Variants in ENTHD1 observed in about 807,000 individuals in gnomAD.
ENTHD1 encodes ENTH domain-containing protein 1.
A neutral mutation model predicts 39.1 loss-of-function variants in ENTHD1; 23 were observed. The ratio of observed to expected loss-of-function variants is 0.59; its 90% CI spans 0.42 to 0.83. ENTHD1 has a LOEUF of 0.83. Ranked by LOEUF, ENTHD1 falls within the 40% of genes least tolerant of loss-of-function variation. The pLI is 0.00. For synonymous variants in ENTHD1, 230 were observed against 258.2 expected, an observed-to-expected ratio of 0.89 and a Z score of 1.05; for missense variants, 624 against 705.4, an observed-to-expected ratio of 0.88 and a Z score of 1.31.
chr22:39,838,754 C>A (rs927425037), intron 3 of ENTHD1, among the ~76,000 whole-genome samples: 1 of 151,898 alleles, frequency 6.6e-6, no homozygotes, highest in Non-Finnish European at 1.5e-5. Context: ...AATATTAAAA[C>A]CTTTGGTCAG....
At chr22:39,816,460 TGTTATA>T (rs1349298538) in intron 5 of ENTHD1, among the ~76,000 whole-genome samples, 1 of 152,214 alleles carries the variant, frequency 6.6e-6, no homozygotes, top group African/African-American at 2.4e-5. Flanking sequence ...TATGGTACGC[TGTTATA>T]GTTGTTGCAA....
At chr22:39,891,865 C>T (rs1275621780) in intron 1 of ENTHD1, among the ~76,000 whole-genome samples, 1 of 152,074 alleles carries the variant, frequency 6.6e-6, no homozygotes, top group East Asian at 1.9e-4. Flanking sequence ...AGTGATCCGC[C>T]TGCCTCGGCC....
intron 2 of ENTHD1, among the ~76,000 whole-genome samples, chr22:39,872,850 C>CT (rs35796089): frequency 0.016 from 2,203 of 140,024 alleles, 15 homozygotes; most frequent in South Asian, 0.05. Flanking sequence ...AGTAAAATCA[C>CT]TTTTTTTTTT....
At position 39,783,823 on chromosome 22, in the gene ENTHD1, A is replaced by G. The variant is rs74567206; in HGVS notation, c.833-18214T>C. Among the ~76,000 whole-genome samples, 1,089 of 152,322 alleles carry G rather than the reference A, an allele frequency of 7.1e-3. 9 individuals are homozygous for G. The highest frequency in any genetic ancestry group is 0.025 in the African/African-American group (1,032 of 41,578). ...GAAGAAAACATTGGGGAAACACTCT[A>G]GGACATGGGCCTGGGCAAAGATTTT... is the stretch of plus-strand genomic sequence containing the variant. On this transcript the variant is annotated intron_variant, in intron 5 of 6. Coordinates refer to ENST00000325157, the MANE Select transcript of ENTHD1 (RefSeq NM_152512.4).
Position 39,873,743 on chromosome 22 carries a change from G to C in ENTHD1, c.350-11736C>G, listed in dbSNP as rs574087513. On this transcript the variant is annotated intron_variant, in intron 2 of 6. Coordinates refer to ENST00000325157, the MANE Select transcript of ENTHD1 (RefSeq NM_152512.4). Reference sequence around the variant, plus strand: ...AAGCAATTGGATACCATACAGATAAGAATGAACTCTATCTCACAATATACA... The same window carrying C: ...AAGCAATTGGATACCATACAGATAACAATGAACTCTATCTCACAATATACA... Among the ~76,000 whole-genome samples, 4 of 152,276 alleles carry C rather than the reference G, an allele frequency of 2.6e-5. No individual in the cohort carries two copies. The South Asian group carries it at 8.3e-4, about 32-fold the overall frequency.
At chr22:39,838,000 A>G (rs62228554) in intron 3 of ENTHD1, among the ~76,000 whole-genome samples, 12,228 of 152,304 alleles carry the variant, frequency 0.08, 725 homozygotes, top group Non-Finnish European at 0.13. Context: ...CCTAGATTAT[A>G]TGGTAAATAT....
intron 5 of ENTHD1, among the ~76,000 whole-genome samples, chr22:39,806,473 A>G (rs571917453): frequency 1.3e-5 from 2 of 152,336 alleles, no homozygotes; most frequent in South Asian, 2.1e-4. Context: ...AGACACTTCT[A>G]AAGTATATGC....
chr22:39,748,169 A>G (rs1237071484), intron 6 of ENTHD1, among the ~76,000 whole-genome samples: 3 of 150,878 alleles, frequency 2.0e-5, no homozygotes, highest in Non-Finnish European at 4.4e-5. Flanking sequence ...GGACCACCTG[A>G]GCCTGGGAGT....
At chr22:39,882,978 T>A (rs1214004296) in intron 2 of ENTHD1, among the ~76,000 whole-genome samples, 1 of 125,302 alleles carries the variant, frequency 8.0e-6, no homozygotes, top group Non-Finnish European at 1.6e-5. Context: ...CACTCCAGCC[T>A]GGGTGACAGA....
At chr22:39,886,768 C>T (rs574377389) in intron 2 of ENTHD1, among the ~76,000 whole-genome samples, 3 of 152,304 alleles carry the variant, frequency 2.0e-5, no homozygotes, top group East Asian at 1.9e-4. Flanking sequence ...ACTGCACCTC[C>T]TCTTCCGCCC....
chr22:39,769,502 T>C (rs1043328899), intron 5 of ENTHD1, among the ~76,000 whole-genome samples: 3 of 152,130 alleles, frequency 2.0e-5, no homozygotes, highest in Non-Finnish European at 4.4e-5. Context: ...TGGTTGAGGG[T>C]TGACTCTGGG....
At chr22:39,823,106 T>C (rs143094295) in intron 4 of ENTHD1, among the ~76,000 whole-genome samples, 1 of 152,234 alleles carries the variant, frequency 6.6e-6, no homozygotes, top group Admixed American at 6.5e-5. Flanking sequence ...AAGAATGCTA[T>C]ATAAATGGAA....
chr22:39,838,807 G>A (rs2065924071), intron 3 of ENTHD1, among the ~76,000 whole-genome samples: 1 of 152,060 alleles, frequency 6.6e-6, no homozygotes, highest in Non-Finnish European at 1.5e-5. Flanking sequence ...TCTATTTGAT[G>A]TAGAGAAGAT....
At chr22:39,890,963 T>C (rs1317026136) in intron 1 of ENTHD1, among the ~76,000 whole-genome samples, 1 of 152,250 alleles carries the variant, frequency 6.6e-6, no homozygotes, top group African/African-American at 2.4e-5. Flanking sequence ...TTTAGACACC[T>C]GACTACATGA....
chr22:39,761,724 A>G (rs1041576572), intron 6 of ENTHD1, among the ~76,000 whole-genome samples: 1 of 152,076 alleles, frequency 6.6e-6, no homozygotes, highest in Admixed American at 6.6e-5. Flanking sequence ...AAGCCCTTCC[A>G]GTAAAATTTT....
chr22:39,810,104 G>A (rs1253322242), intron 5 of ENTHD1, among the ~76,000 whole-genome samples: 1 of 152,140 alleles, frequency 6.6e-6, no homozygotes, highest in Non-Finnish European at 1.5e-5. Context: ...TTCTTGAGGG[G>A]AAGGTCTGAG....
chr22:39,826,417 G>A (rs1286601130), intron 4 of ENTHD1, among the ~76,000 whole-genome samples: 5 of 150,242 alleles, frequency 3.3e-5, no homozygotes, highest in Non-Finnish European at 7.4e-5. Flanking sequence ...TTGTTTTCCT[G>A]TTTTCAATTT....
At chr22:39,838,715 C>T (rs185486213) in intron 3 of ENTHD1, among the ~76,000 whole-genome samples, 1 of 151,976 alleles carries the variant, frequency 6.6e-6, no homozygotes, top group Admixed American at 6.6e-5. Context: ...TGCATACTAA[C>T]AATAATTGTA....
intron 2 of ENTHD1, among the ~76,000 whole-genome samples, chr22:39,869,707 C>A (rs2066222849): frequency 6.7e-6 from 1 of 150,324 alleles, no homozygotes; most frequent in African/African-American, 2.4e-5. Flanking sequence ...TCTATAGGAT[C>A]TTCTATGGAA....
Sources: gnomAD v4.1 joint callset for allele counts (sites outside exome capture counted in the v4.1 genomes callset) on GRCh38, gnomAD v4.1.1 for gene constraint, MANE v1.5 for transcripts, NCBI Gene and HGNC (gene_info 2026-07-23, HGNC 2026-07-21) for gene names.